The following SLC8A1 variants were observed in gnomAD, a reference collection of about 807,000 sequenced individuals.
SLC8A1 encodes solute carrier family 8 member A1.
In SLC8A1, 18 loss-of-function variants were observed where a neutral mutation model predicts 68.3. That is an observed-to-expected ratio of 0.26 (90% CI 0.18 to 0.39). SLC8A1 has a LOEUF of 0.39. Ranked by LOEUF, SLC8A1 falls within the 10% of genes least tolerant of loss-of-function variation. The pLI is 1.00. For synonymous variants in SLC8A1, 475 were observed against 415.5 expected, an observed-to-expected ratio of 1.14 and a Z score of -1.74; for missense variants, 985 against 1,156.7, an observed-to-expected ratio of 0.85 and a Z score of 2.15.
chr2:40,496,346 GTAT>G (rs1705699286), intron 1 of SLC8A1, among the ~76,000 whole-genome samples: 2 of 152,102 alleles, frequency 1.3e-5, no homozygotes, highest in South Asian at 4.1e-4. Flanking sequence ...ATTTGGAAAA[GTAT>G]TATTCAAAAG....
At chr2:40,248,514 C>G (rs140692379) in intron 2 of SLC8A1, among the ~76,000 whole-genome samples, 84 of 152,250 alleles carry the variant, frequency 5.5e-4, no homozygotes, top group African/African-American at 1.9e-3. Flanking sequence ...CTGCCAGAGC[C>G]TAGACCTTGG....
chr2:40,414,060 C>A (rs776649371), intron 2 of SLC8A1, among the ~76,000 whole-genome samples: 1 of 152,028 alleles, frequency 6.6e-6, no homozygotes, highest in African/African-American at 2.4e-5. Context: ...ATGGCATGAA[C>A]AATTTAGAAA....
intron 5 of SLC8A1, among the ~76,000 whole-genome samples, chr2:40,164,356 T>G (rs2046198812): frequency 6.6e-6 from 1 of 152,230 alleles, no homozygotes; most frequent in South Asian, 2.1e-4. Context: ...TACTAAAATG[T>G]CCTTGGATCT....
At chr2:40,271,175 C>A (rs2065978079) in intron 2 of SLC8A1, among the ~76,000 whole-genome samples, 2 of 108,264 alleles carry the variant, frequency 1.8e-5, no homozygotes, top group African/African-American at 1.0e-4. Context: ...CCCAAGCCCC[C>A]CTCATATGGC....
At chr2:40,311,898 A>T (rs2073752340) in intron 2 of SLC8A1, among the ~76,000 whole-genome samples, 1 of 152,312 alleles carries the variant, frequency 6.6e-6, no homozygotes, top group South Asian at 2.1e-4. Context: ...CAAACTCAGA[A>T]AATAGTTCTA....
intron 2 of SLC8A1, among the ~76,000 whole-genome samples, chr2:40,289,651 G>GACC (rs1268144920): frequency 3.3e-5 from 5 of 151,982 alleles, no homozygotes; most frequent in African/African-American, 4.8e-5. Flanking sequence ...AGGAGTTGGA[G>GACC]ACCAGCCTGG....
At chr2:40,482,542 C>G (rs1211580297) in intron 1 of SLC8A1, among the ~76,000 whole-genome samples, 1 of 152,056 alleles carries the variant, frequency 6.6e-6, no homozygotes, top group Non-Finnish European at 1.5e-5. Flanking sequence ...CCACCGATGA[C>G]AATTCATCCC....
At chr2:40,102,532 C>A (rs1371601140) in exon 8 of SLC8A1, 1 of 152,082 alleles carries the variant, frequency 6.6e-6, no homozygotes, top group Admixed American at 6.6e-5. Context: ...GCAGTTTGTT[C>A]AACTGCTAGG....
At chr2:40,264,684 A>C (rs1391276773) in intron 2 of SLC8A1, among the ~76,000 whole-genome samples, 3 of 152,084 alleles carry the variant, frequency 2.0e-5, no homozygotes, top group African/African-American at 7.2e-5. Flanking sequence ...GGAACATCAC[A>C]CTCTGAGGAC....
At chr2:40,361,202 C>T (rs1277738063) in intron 2 of SLC8A1, among the ~76,000 whole-genome samples, 1 of 152,136 alleles carries the variant, frequency 6.6e-6, no homozygotes, top group African/African-American at 2.4e-5. Context: ...GGCTAAGATA[C>T]TCTCTAAGCA....
At position 40,487,259 on chromosome 2, in the gene SLC8A1, C is replaced by G. The variant is rs151015819; in HGVS notation, c.-25+25090G>C. Among the ~76,000 whole-genome samples the G allele has an allele frequency of 3.9e-3, 592 of 152,112 alleles. 3 individuals carry two copies. Among genetic ancestry groups the G allele is most frequent in the African/African-American group, 0.014 (568 of 41,482 alleles). Reference sequence around the variant, plus strand: ...GGTAAAATCGGTAAGATGTAGAAATCCATACTTTGCTGATTTACTATTACT... The same window carrying G: ...GGTAAAATCGGTAAGATGTAGAAATGCATACTTTGCTGATTTACTATTACT... On this transcript the variant is annotated intron_variant, in intron 1 of 7. Coordinates refer to the SLC8A1 transcript ENST00000402441.
chr2:40,113,951 A>G (rs1202132686), exon 8 of SLC8A1: 2 of 152,800 alleles, frequency 1.3e-5, no homozygotes. Context: ...CTTCTTAGAA[A>G]TGAATGTGCA....
At chr2:40,211,841 A>T (rs763452977) in intron 2 of SLC8A1, among the ~76,000 whole-genome samples, 2 of 152,200 alleles carry the variant, frequency 1.3e-5, no homozygotes, top group Non-Finnish European at 2.9e-5. Context: ...TTAGAAATAA[A>T]GCAAAATAAT....
chr2:40,194,293 T>C (rs1037657451), intron 2 of SLC8A1, among the ~76,000 whole-genome samples: 4 of 152,148 alleles, frequency 2.6e-5, no homozygotes, highest in African/African-American at 9.7e-5. Context: ...ATGATTTACA[T>C]GGAAAATTGC....
At chr2:40,435,585 G>C (rs578207855) in intron 1 of SLC8A1, among the ~76,000 whole-genome samples, 2 of 152,198 alleles carry the variant, frequency 1.3e-5, no homozygotes, top group African/African-American at 4.8e-5. Flanking sequence ...ACAGAAGTCA[G>C]GCCCCTGCCT....
intron 2 of SLC8A1, among the ~76,000 whole-genome samples, chr2:40,424,051 T>C (rs1008796750): frequency 6.6e-6 from 1 of 151,962 alleles, no homozygotes; most frequent in Non-Finnish European, 1.5e-5. Context: ...CATACCTCCA[T>C]CGTATGCTTT....
At chr2:40,316,203 C>T (rs2074426077) in intron 2 of SLC8A1, among the ~76,000 whole-genome samples, 1 of 152,024 alleles carries the variant, frequency 6.6e-6, no homozygotes, top group African/African-American at 2.4e-5. Flanking sequence ...AGCCTGGATC[C>T]AATCACACTG....
chr2:40,271,304 T>A (rs559867298), intron 2 of SLC8A1, among the ~76,000 whole-genome samples: 1 of 151,622 alleles, frequency 6.6e-6, no homozygotes, highest in Non-Finnish European at 1.5e-5. Context: ...CATGGCCCCC[T>A]TGCTGTTTCT....
intron 1 of SLC8A1, among the ~76,000 whole-genome samples, chr2:40,435,652 T>C (rs1026243288): frequency 1.3e-5 from 2 of 152,084 alleles, no homozygotes; most frequent in Non-Finnish European, 2.9e-5. Flanking sequence ...AGGGTGAAGG[T>C]AGGCAATGTG....
Sources: allele counts gnomAD v4.1 joint callset (sites outside exome capture counted in the v4.1 genomes callset), GRCh38; gene constraint gnomAD v4.1.1; transcripts MANE v1.5; gene names NCBI Gene and HGNC (gene_info 2026-07-23, HGNC 2026-07-21).